The following PRELID3A variants were observed in gnomAD, a reference collection of about 807,000 sequenced individuals.
The protein encoded by PRELID3A is PRELI domain containing protein 3A.
Under a neutral mutation model 23.0 loss-of-function variants are expected in PRELID3A, and 27 were observed. That is an observed-to-expected ratio of 1.17 (90% CI 0.87 to 1.62). The LOEUF (loss-of-function observed/expected upper bound fraction) is 1.62. Ranked by LOEUF, PRELID3A falls within the 40% of genes most tolerant of loss-of-function variation. The pLI, the probability that PRELID3A is intolerant of heterozygous loss-of-function variation, is 0.00. For synonymous variants in PRELID3A, 87 were observed against 86.4 expected, an observed-to-expected ratio of 1.01 and a Z score of -0.04; for missense variants, 231 against 231.4, an observed-to-expected ratio of 1.00 and a Z score of 0.01.
Position 12,426,351 on chromosome 18 carries a change from G to C in PRELID3A, c.292-690G>C, listed in dbSNP as rs7243002. Among the ~76,000 whole-genome samples, 4 of 150,268 alleles carry C rather than the reference G, an allele frequency of 2.7e-5. No individual in the cohort carries two copies. The South Asian group carries it at 6.3e-4, about 24-fold the overall frequency. On this transcript the variant is annotated intron_variant, in intron 3 of 6. Transcript: ENST00000440960. Reference sequence around the variant, plus strand: ...GGGCGGATCACGAGGTCAGGAGATCGAGACCATCCTGGCTAACACGGTGAA... The same window carrying C: ...GGGCGGATCACGAGGTCAGGAGATCCAGACCATCCTGGCTAACACGGTGAA...
At chr18:12,429,062 G>A (rs1387897604) in intron 5 of PRELID3A, among the ~76,000 whole-genome samples, 1 of 152,174 alleles carries the variant, frequency 6.6e-6, no homozygotes, top group Non-Finnish European at 1.5e-5. Flanking sequence ...GCCTCCTGGG[G>A]CAGCCTCAGC....
intron 1 of PRELID3A, 134 bp downstream of exon 1, chr18:12,408,141 C>T: frequency 1.2e-6 from 1 of 819,470 alleles, no homozygotes; most frequent in Non-Finnish European, 1.6e-6. Context: ...GCCGGCCGTT[C>T]CCAGACCGCA....
chr18:12,409,067 A>G (rs971583714), intron 1 of PRELID3A, among the ~76,000 whole-genome samples: 34 of 151,554 alleles, frequency 2.2e-4, no homozygotes, highest in Non-Finnish European at 4.4e-4. Context: ...TTTTGGGGGG[A>G]AAAAAAGTAC....
Position 12,432,079 on chromosome 18 carries a change from C to T in PRELID3A, c.*963C>T, listed in dbSNP as rs2030632808. 6.6e-6 allele frequency: 1 copy of T among 152,188 alleles called. No homozygotes were observed. The highest frequency in any genetic ancestry group is 2.4e-5 in the African/African-American group (1 of 41,456). 9.4% of individuals were successfully genotyped at this position (152,188 alleles called of 1,614,324 possible). A position where few individuals can be genotyped will look rare whatever the true frequency, so the allele number is the denominator to read the frequency against. On this transcript the variant is annotated 3_prime_UTR_variant, in exon 7 of 7. Coordinates refer to ENST00000440960, the MANE Select transcript of PRELID3A (RefSeq NM_001142405.2). ...CCATGCTTATGGTTAAAAAAGAGTA[C>T]AGGAGTCTGGAGTCCGTTGAAGGGT...
intron 1 of PRELID3A, chr18:12,419,821 C>T (rs1247603060): frequency 7.1e-6 from 1 of 140,818 alleles, no homozygotes; most frequent in Non-Finnish European, 1.5e-5. Context: ...CCCAGCTGCT[C>T]CGGAGGCTGG....
intron 2 of PRELID3A, chr18:12,421,337 T>G (rs938122999): frequency 8.6e-6 from 5 of 580,840 alleles, no homozygotes; most frequent in Non-Finnish European, 1.5e-5. Context: ...CGCTCCACTC[T>G]GTTGGAATTC....
In PRELID3A at chr18:12,420,494, G is replaced by C; in HGVS notation, c.201+1G>C. ...GGGGCTGCCCAGCCTCGTGAGAGCG[G>C]TGAGCGGGGCGGGGGCTGCGGCTCC... On this transcript the variant is annotated splice_donor_variant, in intron 2 of 6. Coordinates refer to ENST00000440960, the MANE Select transcript of PRELID3A (RefSeq NM_001142405.2). LOFTEE classifies it high-confidence loss of function. 6.5e-7 allele frequency: 1 copy of C among 1,531,626 alleles called. No individual in the cohort carries two copies. The highest frequency in any genetic ancestry group is 8.8e-7 in the Non-Finnish European group (1 of 1,138,180). The allele number at this position is 1,531,626 out of a possible 1,614,324, so 94.9% of individuals were successfully genotyped here.
At chr18:12,423,989 T>G (rs579225) in intron 3 of PRELID3A, among the ~76,000 whole-genome samples, 69,683 of 151,966 alleles carry the variant, frequency 0.46, 16,647 homozygotes, top group Middle Eastern at 0.7. Context: ...TAGAAGGCAG[T>G]GGGTGCATCC....
chr18:12,420,216 A>G (rs995606054), intron 1 of PRELID3A, 109 bp from the exon 2 acceptor site: 3 of 1,457,300 alleles, frequency 2.1e-6, no homozygotes, highest in South Asian at 1.4e-5. Context: ...CTTTCATTAA[A>G]GTGAAGAGAC....
intron 5 of PRELID3A, among the ~76,000 whole-genome samples, chr18:12,428,373 C>T (rs974900815): frequency 1.1e-4 from 16 of 152,220 alleles, no homozygotes; most frequent in Non-Finnish European, 2.2e-4. Flanking sequence ...CCTGGGCCCG[C>T]CTCACAGGCT....
intron 1 of PRELID3A, among the ~76,000 whole-genome samples, chr18:12,411,537 A>G (rs1017096962): frequency 9.9e-5 from 15 of 151,844 alleles, no homozygotes; most frequent in Admixed American, 7.2e-4. Flanking sequence ...AGGCAGACCT[A>G]TGACAAAATC....
intron 3 of PRELID3A, among the ~76,000 whole-genome samples, chr18:12,425,041 G>A (rs1400266079): frequency 6.6e-6 from 1 of 152,114 alleles, no homozygotes; most frequent in Admixed American, 6.5e-5. Flanking sequence ...TACTCTGGAG[G>A]CTGAGGCAGG....
At chr18:12,418,620 A>T (rs553012662) in intron 1 of PRELID3A, among the ~76,000 whole-genome samples, 1 of 152,326 alleles carries the variant, frequency 6.6e-6, no homozygotes, top group South Asian at 2.1e-4. Context: ...AGAAATGATG[A>T]TCTTGTCAGA....
chr18:12,420,538 C>G, intron 2 of PRELID3A, 45 bp downstream of exon 2: 1 of 1,458,320 alleles, frequency 6.9e-7, no homozygotes, highest in East Asian at 2.6e-5. Flanking sequence ...CCGACTCCCC[C>G]ACTCCCGCCC....
At chr18:12,423,140 G>A (rs1006289910) in intron 3 of PRELID3A, among the ~76,000 whole-genome samples, 1 of 152,114 alleles carries the variant, frequency 6.6e-6, no homozygotes. Flanking sequence ...GGCAGTGGGC[G>A]CCCTTGAGCC....
intron 1 of PRELID3A, among the ~76,000 whole-genome samples, chr18:12,414,640 T>C (rs1035681503): frequency 6.6e-6 from 1 of 152,098 alleles, no homozygotes; most frequent in Non-Finnish European, 1.5e-5. Context: ...GCACGAGAAT[T>C]GCTTGAACCC....
chr18:12,420,016 C>A, intron 1 of PRELID3A: 1 of 695,670 alleles, frequency 1.4e-6, no homozygotes, highest in Non-Finnish European at 2.1e-6. Flanking sequence ...GCAGGATGTT[C>A]ACTTGAGCCT....
intron 1 of PRELID3A, among the ~76,000 whole-genome samples, chr18:12,419,229 G>A (rs1411135271): frequency 6.6e-6 from 1 of 151,712 alleles, no homozygotes; most frequent in African/African-American, 2.4e-5. Flanking sequence ...GGGAGGCTGA[G>A]GCAGGAAAAT....
At chr18:12,425,309 G>A (rs1229158435) in intron 3 of PRELID3A, among the ~76,000 whole-genome samples, 2 of 151,946 alleles carry the variant, frequency 1.3e-5, no homozygotes, top group South Asian at 2.1e-4. Flanking sequence ...TAGAGCTCGA[G>A]TGTTTAAATT....
Sources: allele counts gnomAD v4.1 joint callset (sites outside exome capture counted in the v4.1 genomes callset), GRCh38; gene constraint gnomAD v4.1.1; transcripts MANE v1.5; gene names NCBI Gene and HGNC (gene_info 2026-07-23, HGNC 2026-07-21).